Variants in MAP6 observed in about 807,000 individuals in gnomAD.
The protein encoded by MAP6 is microtubule-associated protein 6.
In MAP6, 26 loss-of-function variants were observed where a neutral mutation model predicts 42.4. The observed-to-expected ratio is 0.61, with a 90% CI of 0.45 to 0.85. The LOEUF (loss-of-function observed/expected upper bound fraction) is 0.85, where lower values mean the gene tolerates loss of function less well. MAP6 is among the 40% of genes least tolerant of loss of function. The probability of loss-of-function intolerance (pLI) is 0.00; values close to 1 mark genes in which losing one functional copy is unlikely to be tolerated. For missense variants in MAP6, 966 were observed against 1,099.0 expected (o/e 0.88, Z 1.71); for synonymous variants, 418 against 443.8 (o/e 0.94, Z 0.73).
intron 1 of MAP6, among the ~76,000 whole-genome samples, chr11:75,644,845 G>A (rs1943529370): frequency 6.6e-6 from 1 of 152,116 alleles, no homozygotes; most frequent in African/African-American, 2.4e-5. Flanking sequence ...GCATAGAAAT[G>A]CTACATAAAA....
intron 1 of MAP6, among the ~76,000 whole-genome samples, chr11:75,644,780 A>C (rs2135665596): frequency 6.6e-6 from 1 of 152,294 alleles, no homozygotes; most frequent in East Asian, 1.9e-4. Context: ...TATATAGAAA[A>C]TCTAAGAAAG....
Position 75,604,626 on chromosome 11 carries a change from A to G in MAP6, c.1316+1182T>C, listed in dbSNP as rs868692340. 61 of 985,134 alleles carry G rather than the reference A, an allele frequency of 6.2e-5. No homozygotes were observed. The Middle Eastern group carries it at 4.1e-3, about 67-fold the overall frequency. 61.0% of individuals were successfully genotyped at this position (985,134 alleles called of 1,614,324 possible). A position where few individuals can be genotyped will look rare whatever the true frequency, so the allele number is the denominator to read the frequency against. On this transcript the variant is annotated intron_variant, in intron 3 of 3. Coordinates refer to ENST00000304771, the MANE Select transcript of MAP6 (RefSeq NM_033063.2). ...TTTTTTTCACAACAACTCCCTGACT[A>G]ATTCCTACAACACAACTCTAGCACA...
At chr11:75,590,801 T>C (rs1203905182) in intron 3 of MAP6, among the ~76,000 whole-genome samples, 4 of 152,108 alleles carry the variant, frequency 2.6e-5, no homozygotes, top group Non-Finnish European at 5.9e-5. Context: ...ACCCCATCTC[T>C]ACTAAAAATA....
At chr11:75,609,619 T>C (rs1942851949) in intron 1 of MAP6, among the ~76,000 whole-genome samples, 1 of 152,252 alleles carries the variant, frequency 6.6e-6, no homozygotes, top group Non-Finnish European at 1.5e-5. Context: ...GTCCTTATAA[T>C]GTCCTTCTAG....
At chr11:75,638,239 T>C (rs933411981) in intron 1 of MAP6, among the ~76,000 whole-genome samples, 1 of 152,196 alleles carries the variant, frequency 6.6e-6, no homozygotes, top group Admixed American at 6.5e-5. Context: ...CTACTCAAGA[T>C]AATATACAAC....
At chr11:75,642,245 T>C (rs532667713) in intron 1 of MAP6, among the ~76,000 whole-genome samples, 2 of 152,346 alleles carry the variant, frequency 1.3e-5, no homozygotes, top group East Asian at 3.9e-4. Context: ...ATAGTGGGCA[T>C]ATTGACACCC....
chr11:75,617,644 A>T (rs1943022701), intron 1 of MAP6, among the ~76,000 whole-genome samples: 1 of 152,106 alleles, frequency 6.6e-6, no homozygotes, highest in Admixed American at 6.6e-5. Context: ...AAATAAGAAA[A>T]CTTACGGTTG....
At chr11:75,611,220 C>T (rs1057279493) in intron 1 of MAP6, among the ~76,000 whole-genome samples, 7 of 152,250 alleles carry the variant, frequency 4.6e-5, no homozygotes, top group Non-Finnish European at 7.3e-5. Flanking sequence ...AGGACCCAAT[C>T]AGTGACAACC....
chr11:75,605,686 C>A, intron 3 of MAP6, 122 bp downstream of exon 3: 2 of 1,497,270 alleles, frequency 1.3e-6, no homozygotes, highest in Non-Finnish European at 8.9e-7. Flanking sequence ...ACACTCAGGA[C>A]CAAGGCAGAT....
intron 3 of MAP6, chr11:75,603,561 G>A (rs1942703656): frequency 4.1e-6 from 4 of 970,290 alleles, no homozygotes; most frequent in East Asian, 1.3e-4. Flanking sequence ...AAAGCCTTGG[G>A]TGAGGGTAGG....
rs1942398867 is a variant in MAP6, at chr11:75,588,145, T to C, written c.1356A>G (p.Gln452=). 6.2e-7 allele frequency: 1 copy of C among 1,613,528 alleles called. No homozygotes were observed. The highest frequency in any genetic ancestry group is 1.3e-5 in the African/African-American group (1 of 74,860). The change falls in exon 4 of 4, where the codon CAA becomes CAG. Residue 452 remains glutamine (Q), a synonymous_variant. Coordinates refer to ENST00000304771, the MANE Select transcript of MAP6 (RefSeq NM_033063.2). The stretch of plus-strand genomic sequence containing the variant: ...TGTCTGGCTCTGTGGCTACAGGACC[T>C]TGAGTCTTACTTGAATCACTGACGG... ...AQPVSDSSKT[Q]GPVATEPDKD...
At chr11:75,619,560 A>C (rs1359064207) in intron 1 of MAP6, among the ~76,000 whole-genome samples, 1 of 152,050 alleles carries the variant, frequency 6.6e-6, no homozygotes, top group Admixed American at 6.5e-5. Flanking sequence ...CTATGTGTTC[A>C]TGTGTTCTCA....
rs548876397 is a variant in MAP6, at chr11:75,624,427, C to T, written c.906-16105G>A. On this transcript the variant is annotated intron_variant, in intron 1 of 3. Coordinates refer to ENST00000304771, the MANE Select transcript of MAP6 (RefSeq NM_033063.2). ...CACTTACATGCACTCACTCTCTCAC[C>T]ATCAGCACAGCCCAGTAAGGCTGGA... 3.3e-5 allele frequency among the ~76,000 whole-genome samples: 5 copies of T among 152,226 alleles called. No homozygotes were observed. In the South Asian group the frequency reaches 6.2e-4, roughly 19 times the overall value.
At chr11:75,592,475 C>G (rs1290290813) in intron 3 of MAP6, among the ~76,000 whole-genome samples, 1 of 151,848 alleles carries the variant, frequency 6.6e-6, no homozygotes, top group Non-Finnish European at 1.5e-5. Flanking sequence ...TCCTTGATAC[C>G]TCCCTCTCCC....
chr11:75,631,237 A>G (rs1198194348), intron 1 of MAP6, among the ~76,000 whole-genome samples: 1 of 152,082 alleles, frequency 6.6e-6, no homozygotes, highest in Non-Finnish European at 1.5e-5. Context: ...CACAGTCTCC[A>G]CTCATTCTCA....
At chr11:75,589,204 T>C (rs1942430535) in intron 3 of MAP6, among the ~76,000 whole-genome samples, 1 of 152,216 alleles carries the variant, frequency 6.6e-6, no homozygotes, top group South Asian at 2.1e-4. Flanking sequence ...TCCCAGTCTT[T>C]CATCAGAATC....
At position 75,605,851 on chromosome 11, in the gene MAP6, C is replaced by T. The variant is rs1389402564; in HGVS notation, c.1273G>A (p.Glu425Lys). Residue 425 changes from glutamate to lysine, a missense_variant, in exon 3 of 4, where the codon GAG becomes AAG. Glu to Lys is a moderately conservative substitution (Grantham distance 56). This residue lies in a region of MAP6 where 943 missense variants were observed against 1,049.9 expected (regional missense o/e 0.90). Transcript: ENST00000304771. ...GPSTTKPDDKEQSKEMNNKLA... is the reference protein window; with the variant it reads ...GPSTTKPDDKKQSKEMNNKLA... ...TTATTGTTCATCTCTTTGCTTTGCT[C>T]CTTGTCGTCTGGCTTGGTGGTACTC... The T allele has an allele frequency of 1.9e-6, 3 of 1,614,128 alleles. No homozygotes were observed. The highest frequency in any genetic ancestry group is 2.5e-6 in the Non-Finnish European group (3 of 1,180,042).
chr11:75,588,517 C>G (rs1590746525), intron 3 of MAP6, among the ~76,000 whole-genome samples: 1 of 152,138 alleles, frequency 6.6e-6, no homozygotes, highest in East Asian at 1.9e-4. Context: ...CCCGTCCACC[C>G]CACATTCCAT....
At chr11:75,642,773 T>G in intron 1 of MAP6, 1 of 367,670 alleles carries the variant, frequency 2.7e-6, no homozygotes, top group Middle Eastern at 1.1e-3. Context: ...AAAGCTGAAA[T>G]ACTACTGCAA....
Sources: gnomAD v4.1 joint callset for allele counts (sites outside exome capture counted in the v4.1 genomes callset) on GRCh38, gnomAD v4.1.1 for gene constraint, gnomAD v4.1.1 regional missense constraint, MANE v1.5 for transcripts, NCBI Gene and HGNC (gene_info 2026-07-23, HGNC 2026-07-21) for gene names.